Variants in SNX15 observed in about 807,000 individuals in gnomAD.
SNX15 encodes sorting nexin-15.
In SNX15, 29 loss-of-function variants were observed where a neutral mutation model predicts 35.2. The ratio of observed to expected loss-of-function variants is 0.82; its 90% CI spans 0.61 to 1.12. SNX15 has a LOEUF of 1.12. Ranked by LOEUF, SNX15 falls within the 50% of genes most tolerant of loss-of-function variation. The pLI, the probability that SNX15 is intolerant of heterozygous loss-of-function variation, is 0.00. For synonymous variants in SNX15, 189 were observed against 188.2 expected (o/e 1.00, Z -0.03); for missense variants, 400 against 451.5 (o/e 0.89, Z 1.03).
At chr11:65,027,730 T>C (rs1946389671) in intron 1 of SNX15, 94 bp downstream of exon 1, 2 of 909,366 alleles carry the variant, frequency 2.2e-6, no homozygotes, top group Non-Finnish European at 3.6e-6. Context: ...GCTCCCTTTT[T>C]AGACGACAGA....
intron 4 of SNX15, 25 bp from the exon 5 acceptor site, chr11:65,035,034 C>T (rs1946484369): frequency 6.2e-7 from 1 of 1,613,694 alleles, no homozygotes; most frequent in Admixed American, 1.7e-5. Context: ...CATGACTCCC[C>T]ATGTCTGATC....
chr11:65,027,513 C>A lies in SNX15; in HGVS notation c.-25C>A. 2 of 1,603,452 alleles carry A rather than the reference C, an allele frequency of 1.2e-6. No individual in the cohort carries two copies. The highest frequency in any genetic ancestry group is 1.7e-6 in the Non-Finnish European group (2 of 1,170,992). On this transcript the variant is annotated 5_prime_UTR_variant, in exon 1 of 8. Coordinates refer to ENST00000377244, the MANE Select transcript of SNX15 (RefSeq NM_013306.5). ...GACGGCGAGGAGGTGGAGGCCGGCG[C>A]TCCGCTCCGCTCCAGCTCGGTTTCA...
chr11:65,030,458 G>A (rs1361882330), intron 1 of SNX15, among the ~76,000 whole-genome samples: 1 of 149,146 alleles, frequency 6.7e-6, no homozygotes, highest in East Asian at 1.9e-4. Flanking sequence ...CTTCCAAAGT[G>A]TTAGGATTAC....
At chr11:65,038,261 T>A in intron 6 of SNX15, 1 of 1,071,818 alleles carries the variant, frequency 9.3e-7, no homozygotes, top group Non-Finnish European at 1.1e-6. Flanking sequence ...TGGAGGGGAT[T>A]TTTGGATTTC....
Position 65,035,179 on chromosome 11 carries a change from A to G in SNX15, c.493A>G (p.Arg165Gly). 1 of 1,554,352 alleles carries G rather than the reference A, an allele frequency of 6.4e-7. No individual in the cohort carries two copies. Among genetic ancestry groups the G allele is most frequent in the African/African-American group, 1.4e-5 (1 of 72,536 alleles). ...RLSQLLPAER[R>G]GLEELEVPVD... is the part of the protein sequence containing the mutation. ...ATCCCAACTGCTCCCTGCAGAAAGG[A>G]GGGGCCTCGAGGAATTGGAGGTGCC... Residue 165 changes from arginine to glycine, a missense_variant, in exon 5 of 8, where the codon AGG becomes GGG. Transcript: ENST00000377244.
At chr11:65,034,282 A>G (rs1009455802) in intron 3 of SNX15, among the ~76,000 whole-genome samples, 2 of 152,140 alleles carry the variant, frequency 1.3e-5, no homozygotes, top group Admixed American at 6.5e-5. Context: ...TTAGCCAGGC[A>G]TGATTGTGTG....
intron 7 of SNX15, 24 bp downstream of exon 7, chr11:65,038,853 G>C (rs766558297): frequency 6.6e-7 from 1 of 1,525,966 alleles, no homozygotes; most frequent in African/African-American, 1.4e-5. Context: ...GAGGGTGGAG[G>C]GTCAGGCCTG....
Position 65,027,626 on chromosome 11 carries a change from T to A in SNX15, c.89T>A (p.Val30Glu). Residue 30 changes from valine (V) to glutamate (E), a missense_variant, in exon 1 of 8, where the codon GTA becomes GAA. Val to Glu is a moderately radical substitution (Grantham distance 121). Transcript: ENST00000377244. ...THPKGYTEYK[V>E]TAQFISKKDP... The stretch of plus-strand genomic sequence containing the variant: ...CCCAAGGGCTACACCGAGTACAAAG[T>A]AACCGCGCAGGTGAGGTGGGGCCCA... The A allele has an allele frequency of 6.2e-7, 1 of 1,613,398 alleles. No homozygotes were observed. The highest frequency in any genetic ancestry group is 8.5e-7 in the Non-Finnish European group (1 of 1,179,446).
chr11:65,029,867 G>T (rs868593588), intron 1 of SNX15, among the ~76,000 whole-genome samples: 75 of 151,972 alleles, frequency 4.9e-4, no homozygotes, highest in Admixed American at 2.4e-3. Context: ...GTGAACCACC[G>T]CGCCTGGCCT....
chr11:65,027,480 GGGGT>G lies in SNX15; in HGVS notation c.-54_-51del. 7.2e-7 allele frequency: 1 copy of G among 1,392,352 alleles called. No homozygotes were observed. The highest frequency in any genetic ancestry group is 2.3e-5 in the East Asian group (1 of 43,790). 86.2% of individuals were successfully genotyped at this position (1,392,352 alleles called of 1,614,324 possible). On this transcript the variant is annotated 5_prime_UTR_variant, in exon 1 of 8. Transcript: ENST00000377244. Reference sequence around the variant, plus strand: ...GGCGGCGGGCGGAGGCTGGGCCGGAGGGGTGGGGACGGCGAGGAGGTGGAGGCCG... The same window carrying G: ...GGCGGCGGGCGGAGGCTGGGCCGGAGGGGGACGGCGAGGAGGTGGAGGCCG...
chr11:65,033,762 G>A (rs1946467963), intron 3 of SNX15, among the ~76,000 whole-genome samples: 1 of 151,906 alleles, frequency 6.6e-6, no homozygotes, highest in Non-Finnish European at 1.5e-5. Flanking sequence ...GAGTCCAGTG[G>A]CATGATATCA....
In SNX15 at chr11:65,040,033, G is replaced by T. The variant is rs914084314; in HGVS notation, c.*241G>T. 6.8e-6 allele frequency: 3 copies of T among 442,356 alleles called. No homozygotes were observed. The highest frequency in any genetic ancestry group is 6.0e-5 in the African/African-American group (3 of 50,336). The allele number at this position is 442,356 out of a possible 1,614,324, so 27.4% of individuals were successfully genotyped here. A position where few individuals can be genotyped will look rare whatever the true frequency, so the allele number is the denominator to read the frequency against. On this transcript the variant is annotated 3_prime_UTR_variant, in exon 8 of 8. Transcript: ENST00000377244. ...TGGGGTTTTTTTGAGTTGGAGTCTC[G>T]CTGTGTCGCCCAGACTGGAGTGCAG...
At position 65,032,436 on chromosome 11, in the gene SNX15, G is replaced by T; in HGVS notation, c.141G>T (p.Val47=). Residue 47 remains valine (V), a synonymous_variant, in exon 3 of 8, where the codon GTG becomes GTT. Transcript: ENST00000377244. ...AAGTCTCATGTACCTCATAGGTGGT[G>T]GTCTGGAAGCGGTACAGCGACTTCC... ...KKDPEDVKEV[V]VWKRYSDFRK... The T allele has an allele frequency of 6.2e-7, 1 of 1,614,126 alleles. No homozygotes were observed. The highest frequency in any genetic ancestry group is 8.5e-7 in the Non-Finnish European group (1 of 1,180,002).
rs747153458 is a variant in SNX15 at position 65,039,029 on chromosome 11, C to CTTTTT, written c.922+215_922+219dup. Among the ~76,000 whole-genome samples, 84 of 72,498 alleles carry CTTTTT rather than the reference C, an allele frequency of 1.2e-3. 15 individuals are homozygous for CTTTTT. Among genetic ancestry groups the CTTTTT allele is most frequent in the Non-Finnish European group, 1.7e-3 (55 of 32,234 alleles). 47.6% of individuals were successfully genotyped at this position (72,498 alleles called of 152,430 possible). On this transcript the variant is annotated intron_variant, in intron 7 of 7. Transcript: ENST00000377244. Reference sequence around the variant, plus strand: ...TTGTGGCCTCAGTTTTCTTCTTCCTCTTTTTTTTTTTTTTTTTTTGAGACA... The same window carrying CTTTTT: ...TTGTGGCCTCAGTTTTCTTCTTCCTCTTTTTTTTTTTTTTTTTTTTTTTTGAGACA...
At chr11:65,030,476 C>T (rs111715694) in intron 1 of SNX15, among the ~76,000 whole-genome samples, 14,178 of 149,936 alleles carry the variant, frequency 0.095, 1,010 homozygotes, top group South Asian at 0.21. Flanking sequence ...TACAGGCCAC[C>T]ATGACCCACC....
In SNX15 at chr11:65,027,569, G is replaced by C. The variant is rs1946386077; in HGVS notation, c.32G>C (p.Arg11Pro). ...CGCCAGGCGAAGGATGACTTCCTGC[G>C]GCACTACACAGTGTCGGACCCCAGG... MSRQAKDDFL[R>P]HYTVSDPRTH... The change falls in exon 1 of 8, where the codon CGG becomes CCG. Residue 11 changes from arginine to proline, a missense_variant. Transcript: ENST00000377244. 2 of 1,613,948 alleles carry C rather than the reference G, an allele frequency of 1.2e-6. No individual in the cohort carries two copies. Among genetic ancestry groups the C allele is most frequent in the Non-Finnish European group, 1.7e-6 (2 of 1,180,022 alleles).
chr11:65,029,657 G>A (rs779349584), intron 1 of SNX15, among the ~76,000 whole-genome samples: 14 of 150,874 alleles, frequency 9.3e-5, no homozygotes, highest in Non-Finnish European at 1.9e-4. Context: ...GCTCACTGTA[G>A]CCTCCACCTC....
intron 6 of SNX15, chr11:65,037,794 G>C (rs1396759269): frequency 6.6e-6 from 1 of 152,220 alleles, no homozygotes; most frequent in Non-Finnish European, 1.5e-5. Context: ...TACATGGAGG[G>C]CTGTAGGCCC....
intron 3 of SNX15, among the ~76,000 whole-genome samples, chr11:65,033,358 C>T (rs112449707): frequency 0.012 from 1,823 of 152,016 alleles, 32 homozygotes; most frequent in African/African-American, 0.04. Context: ...GCCTGGCCAA[C>T]GTGGTGAAAC....
Sources: gnomAD v4.1 joint callset for allele counts (sites outside exome capture counted in the v4.1 genomes callset) on GRCh38, gnomAD v4.1.1 for gene constraint, MANE v1.5 for transcripts, NCBI Gene and HGNC (gene_info 2026-07-23, HGNC 2026-07-21) for gene names.